The following SQSTM1 variants were observed in gnomAD, a reference collection of about 807,000 sequenced individuals.
The protein encoded by SQSTM1 is sequestosome 1, also known as sequestosome-1.
SQSTM1 carries 36 observed loss-of-function variants against 45.1 expected under a neutral mutation model. The ratio of observed to expected loss-of-function variants is 0.80; its 90% CI spans 0.61 to 1.05. The LOEUF is 1.05. SQSTM1 is among the 50% of genes least tolerant of loss of function. SQSTM1 has a pLI of 0.00. For missense variants in SQSTM1, 617 were observed against 607.1 expected (o/e 1.02, Z -0.17); for synonymous variants, 290 against 244.3 (o/e 1.19, Z -1.74).
intron 1 of SQSTM1, chr5:179,808,139 GCCC>G (rs1196735781): frequency 6.6e-6 from 1 of 152,300 alleles, no homozygotes; most frequent in Non-Finnish European, 1.5e-5. Context: ...TGCCCCACCC[GCCC>G]GGGGGAGGCC....
Position 179,822,997 on chromosome 5 carries a change from A to G in SQSTM1, c.245A>G (p.Glu82Gly). The G allele has an allele frequency of 6.2e-7, 1 of 1,614,076 alleles. No homozygotes were observed. The highest frequency in any genetic ancestry group is 8.5e-7 in the Non-Finnish European group (1 of 1,179,992). The change falls in exon 2 of 8, where the codon GAA (glutamate) becomes GGA (glycine). Residue 82 changes from glutamate (E) to glycine (G), a missense_variant. By Grantham distance (98) the Glu-to-Gly change is moderately conservative (BLOSUM62 -2). Coordinates refer to ENST00000389805, the MANE Select transcript of SQSTM1 (RefSeq NM_003900.5). ...GDLVAFSSDE[E>G]LTMAMSYVKD... ...TTGGTTGCCTTTTCCAGTGACGAGGAATTGACAATGGCCATGTCCTACGTG... is the reference window on the plus strand; with the variant it reads ...TTGGTTGCCTTTTCCAGTGACGAGGGATTGACAATGGCCATGTCCTACGTG...
intron 1 of SQSTM1, chr5:179,822,481 C>A: frequency 3.9e-6 from 1 of 254,530 alleles, no homozygotes; most frequent in Non-Finnish European, 7.9e-6. Context: ...TGTCTTTCAG[C>A]TTTGTTAGGG....
At chr5:179,832,557 A>G (rs1414093058) in intron 5 of SQSTM1, among the ~76,000 whole-genome samples, 3 of 152,208 alleles carry the variant, frequency 2.0e-5, no homozygotes, top group African/African-American at 7.2e-5. Flanking sequence ...AGCGCCTGCC[A>G]CATGTGGTAT....
intron 7 of SQSTM1, among the ~76,000 whole-genome samples, chr5:179,834,143 G>A (rs533907069): frequency 7.9e-6 from 1 of 127,372 alleles, no homozygotes; most frequent in Non-Finnish European, 1.6e-5. Flanking sequence ...GCCTCAGGGA[G>A]TGCTGGTCTG....
At chr5:179,833,375 T>C (rs1398276463) in intron 6 of SQSTM1, 129 bp downstream of exon 6, 1 of 1,051,244 alleles carries the variant, frequency 9.5e-7, no homozygotes, top group Non-Finnish European at 1.4e-6. Flanking sequence ...GCTGCTGCAG[T>C]GATGTCTGTG....
chr5:179,823,106 C>T, intron 2 of SQSTM1, 53 bp downstream of exon 2: 3 of 1,507,090 alleles, frequency 2.0e-6, no homozygotes, highest in Non-Finnish European at 2.8e-6. Context: ...GTACTCAGTT[C>T]CCTGCTGAGT....
In SQSTM1 at chr5:179,836,680, C is replaced by T; in HGVS notation, c.*87C>T. The T allele has an allele frequency of 6.3e-7, 1 of 1,590,602 alleles. No homozygotes were observed. The highest frequency in any genetic ancestry group is 8.6e-7 in the Non-Finnish European group (1 of 1,159,294). ...TAGAATTGCAGGTCTCTGTACGGGC[C>T]AGTTTCTCTGCCTTCTTCCAGGATC... On this transcript the variant is annotated 3_prime_UTR_variant, in exon 8 of 8. Coordinates refer to ENST00000389805, the MANE Select transcript of SQSTM1 (RefSeq NM_003900.5).
At position 179,837,075 on chromosome 5, in the gene SQSTM1, T is replaced by C; in HGVS notation, c.*482T>C. The C allele has an allele frequency of 1.3e-6, 1 of 775,476 alleles. No individual in the cohort carries two copies. Among genetic ancestry groups the C allele is most frequent in the South Asian group, 1.5e-5 (1 of 65,820 alleles). 48.0% of individuals were successfully genotyped at this position (775,476 alleles called of 1,614,324 possible). A position where few individuals can be genotyped will look rare whatever the true frequency, so the allele number is the denominator to read the frequency against. ...AGTGTTGTGGGCTTCCTGCTGGGAC[T>C]GAGAAGGCTCACGAAGGGCATCCGC... On this transcript the variant is annotated 3_prime_UTR_variant, in exon 8 of 8. Transcript: ENST00000389805.
Position 179,820,919 on chromosome 5 carries a change from G to A in SQSTM1, c.-18G>A, listed in dbSNP as rs370874635. On this transcript the variant is annotated 5_prime_UTR_variant, in exon 1 of 8. Coordinates refer to ENST00000389805, the MANE Select transcript of SQSTM1 (RefSeq NM_003900.5). ...CTGCGACCGGGACGGCCCGTTTTCC[G>A]CCAGCTCGCCGCTCGCTATGGCGTC... 4.1e-4 allele frequency: 620 copies of A among 1,520,242 alleles called. 1 individual carries two copies. The highest frequency in any genetic ancestry group is 4.8e-4 in the Non-Finnish European group (544 of 1,135,144). The allele number at this position is 1,520,242 out of a possible 1,614,324, so 94.2% of individuals were successfully genotyped here. A position where few individuals can be genotyped will look rare whatever the true frequency, so the allele number is the denominator to read the frequency against.
upstream of SQSTM1, chr5:179,820,741 G>C (rs1757740474): frequency 1.0e-5 from 5 of 496,482 alleles, no homozygotes; most frequent in Non-Finnish European, 1.7e-5. Flanking sequence ...CCTGGAGCGA[G>C]GGGTAGCGGG....
upstream of SQSTM1, among the ~76,000 whole-genome samples, chr5:179,817,154 TCGGGTCCAGTCTCCTCCCCA>T (rs1441278029): frequency 6.6e-6 from 1 of 151,996 alleles, no homozygotes; most frequent in Non-Finnish European, 1.5e-5. Context: ...TGGGCCGGGT[TCGGGTCCAGTCTCCTCCCCA>T]CGGGCGGCCC....
chr5:179,822,146 T>G (rs1368870174), intron 1 of SQSTM1, among the ~76,000 whole-genome samples: 1 of 152,222 alleles, frequency 6.6e-6, no homozygotes, highest in Non-Finnish European at 1.5e-5. Context: ...CCTTTCTGTA[T>G]CTATTCATCT....
chr5:179,821,415 G>A (rs1240694541), intron 1 of SQSTM1: 2 of 618,870 alleles, frequency 3.2e-6, no homozygotes, highest in South Asian at 3.1e-5. Flanking sequence ...GAGCCTGGGG[G>A]CGTCAGACGC....
upstream of SQSTM1, among the ~76,000 whole-genome samples, chr5:179,815,714 G>A (rs1256090606): frequency 2.0e-5 from 3 of 152,168 alleles, no homozygotes; most frequent in Admixed American, 2.0e-4. Flanking sequence ...CCAAGCTTTG[G>A]CCATGGGGTT....
At chr5:179,807,834 G>A (rs963346993) in intron 1 of SQSTM1, 1 of 152,248 alleles carries the variant, frequency 6.6e-6, no homozygotes, top group Non-Finnish European at 1.5e-5. Context: ...TGTATTTTTA[G>A]TAGACACGAG....
At chr5:179,818,461 C>T (rs1474949173), upstream of SQSTM1, among the ~76,000 whole-genome samples, 3 of 152,328 alleles carry the variant, frequency 2.0e-5, no homozygotes, top group African/African-American at 4.8e-5. Flanking sequence ...AGAAGCGAAC[C>T]TGGGAACACC....
chr5:179,818,213 G>T (rs1191394776), upstream of SQSTM1, among the ~76,000 whole-genome samples: 1 of 152,044 alleles, frequency 6.6e-6, no homozygotes, highest in Non-Finnish European at 1.5e-5. Context: ...TGATTAGGAA[G>T]ATGGCAAGGG....
intron 5 of SQSTM1, among the ~76,000 whole-genome samples, chr5:179,826,167 A>AT (rs1157045878): frequency 5.7e-3 from 793 of 139,610 alleles, no homozygotes; most frequent in South Asian, 0.014. Flanking sequence ...GCTCATTCCG[A>AT]TTTTTTTTTT....
chr5:179,831,762 A>G (rs1758231443), intron 5 of SQSTM1, among the ~76,000 whole-genome samples: 1 of 151,492 alleles, frequency 6.6e-6, no homozygotes, highest in Non-Finnish European at 1.5e-5. Flanking sequence ...ACATTTAGAT[A>G]GAGGTCCTAG....
Sources: gnomAD v4.1 joint callset for allele counts (sites outside exome capture counted in the v4.1 genomes callset) on GRCh38, gnomAD v4.1.1 for gene constraint, MANE v1.5 for transcripts, NCBI Gene and HGNC (gene_info 2026-07-23, HGNC 2026-07-21) for gene names.